ASAP2: variants seen among roughly 807,000 people sequenced by gnomAD.
ASAP2 encodes ArfGAP with SH3 domain, ankyrin repeat and PH domain 2, also known as arf-GAP with SH3 domain, ANK repeat and PH domain-containing protein 2.
A neutral mutation model predicts 131.4 loss-of-function variants in ASAP2; 45 were observed. That is an observed-to-expected ratio of 0.34 (90% CI 0.27 to 0.44). ASAP2 has a LOEUF of 0.44. Among genes scored for constraint, ASAP2 ranks in the 20% least tolerant of loss-of-function variants. The pLI is 1.00. For synonymous variants in ASAP2, 510 were observed against 503.0 expected, an observed-to-expected ratio of 1.01 and a Z score of -0.19; for missense variants, 1,011 against 1,297.0, an observed-to-expected ratio of 0.78 and a Z score of 3.39.
chr2:9,385,624 C>G (rs991004330), intron 21 of ASAP2, among the ~76,000 whole-genome samples: 1 of 152,100 alleles, frequency 6.6e-6, no homozygotes. Context: ...GTGTGTGTGG[C>G]GGGGGGGTTG....
chr2:9,226,816 ATC>A (rs1229994406), intron 1 of ASAP2, among the ~76,000 whole-genome samples: 1 of 152,128 alleles, frequency 6.6e-6, no homozygotes, highest in Non-Finnish European at 1.5e-5. Context: ...TCGGTGTGTG[ATC>A]TCTCTCCCAG....
At chr2:9,336,913 T>C (rs1671241870) in intron 9 of ASAP2, among the ~76,000 whole-genome samples, 1 of 152,144 alleles carries the variant, frequency 6.6e-6, no homozygotes, top group South Asian at 2.1e-4. Context: ...AAAGCTCAGG[T>C]TTAAAATAAG....
chr2:9,344,786 A>G lies in ASAP2; in HGVS notation c.1009A>G (p.Ile337Val). ...KCSVKNGFLT[I>V]SHGTANRPPA... ...TTCAGTTAAAAATGGTTTTCTGACCATATCCCATGGTACCGTAAGTATTCT... is the reference window on the plus strand; with the variant it reads ...TTCAGTTAAAAATGGTTTTCTGACCGTATCCCATGGTACCGTAAGTATTCT... The change falls in exon 11 of 28, where the codon ATA (isoleucine) becomes GTA (valine). Residue 337 changes from isoleucine (I) to valine (V), a missense_variant. Ile to Val is a conservative substitution (Grantham distance 29). Around this residue, in one of 2 missense-constraint regions of ASAP2, gnomAD observed 359 missense variants for 598.1 expected, o/e 0.60. Transcript: ENST00000281419. The G allele has an allele frequency of 2.5e-6, 4 of 1,613,780 alleles. No individual in the cohort carries two copies. Among genetic ancestry groups the G allele is most frequent in the Non-Finnish European group, 2.5e-6 (3 of 1,179,730 alleles).
chr2:9,385,985 G>C (rs1188027880), intron 21 of ASAP2, among the ~76,000 whole-genome samples: 1 of 152,244 alleles, frequency 6.6e-6, no homozygotes, highest in Non-Finnish European at 1.5e-5. Flanking sequence ...AGGACTTGGA[G>C]CTGAGAGTCA....
At chr2:9,294,522 A>G (rs948907293) in intron 2 of ASAP2, among the ~76,000 whole-genome samples, 3 of 152,142 alleles carry the variant, frequency 2.0e-5, no homozygotes, top group Non-Finnish European at 4.4e-5. Flanking sequence ...TACCAACTCT[A>G]TGGTCTGGGG....
chr2:9,298,971 A>G (rs1482369630), intron 3 of ASAP2, among the ~76,000 whole-genome samples: 1 of 152,178 alleles, frequency 6.6e-6, no homozygotes, highest in Non-Finnish European at 1.5e-5. Context: ...AAAATATAAC[A>G]TTAAAAATCC....
chr2:9,319,604 C>T (rs2148500417), intron 4 of ASAP2, among the ~76,000 whole-genome samples: 1 of 152,348 alleles, frequency 6.6e-6, no homozygotes, highest in South Asian at 2.1e-4. Flanking sequence ...GACTTGTGTG[C>T]CAGGCTGTGG....
At chr2:9,340,254 C>T (rs375624483) in intron 9 of ASAP2, among the ~76,000 whole-genome samples, 1 of 152,182 alleles carries the variant, frequency 6.6e-6, no homozygotes, top group Non-Finnish European at 1.5e-5. Flanking sequence ...AGCTCCTGAC[C>T]TCGTGATCTG....
At position 9,254,538 on chromosome 2, in the gene ASAP2, T is replaced by A. The variant is rs1407258039; in HGVS notation, c.127-24779T>A. 3.5e-4 allele frequency among the ~76,000 whole-genome samples: 49 copies of A among 139,054 alleles called. 1 individual carries two copies. Among genetic ancestry groups the A allele is most frequent in the Non-Finnish European group, 4.6e-4 (30 of 64,682 alleles). The allele number at this position is 139,054 out of a possible 152,430, so 91.2% of individuals were successfully genotyped here. A position where few individuals can be genotyped will look rare whatever the true frequency, so the allele number is the denominator to read the frequency against. On this transcript the variant is annotated intron_variant, in intron 1 of 27. Coordinates refer to ENST00000281419, the MANE Select transcript of ASAP2 (RefSeq NM_003887.3). The stretch of plus-strand genomic sequence containing the variant: ...CAGCTAATTTTTGGATTTTTTTTTT[T>A]TTTTTTTTTTTTTTTAGTAGAGACG...
At chr2:9,252,094 G>A (rs1664750464) in intron 1 of ASAP2, among the ~76,000 whole-genome samples, 1 of 152,206 alleles carries the variant, frequency 6.6e-6, no homozygotes, top group Non-Finnish European at 1.5e-5. Flanking sequence ...GAGAGCCTTC[G>A]TGTCACAAAA....
At position 9,206,835 on chromosome 2, in the gene ASAP2, C is replaced by A; in HGVS notation, c.-270C>A. On this transcript the variant is annotated 5_prime_UTR_variant, in exon 1 of 28. Transcript: ENST00000281419. This position sits in a 1 kb window ranked among gnomAD's most constrained non-coding sequence, Gnocchi z 4.0. ...GTAGTTCCCGCCGGCTGTGCGCGCC[C>A]GCCTCGGGGCTCGCTCTGAGAGGAC... The A allele has an allele frequency of 6.7e-6, 1 of 149,202 alleles. No individual in the cohort carries two copies. The highest frequency in any genetic ancestry group is 1.5e-5 in the Non-Finnish European group (1 of 68,340). The allele number at this position is 149,202 out of a possible 1,614,324, so 9.2% of individuals were successfully genotyped here.
intron 1 of ASAP2, among the ~76,000 whole-genome samples, chr2:9,258,690 C>A (rs1221974753): frequency 6.6e-6 from 1 of 152,212 alleles, no homozygotes; most frequent in African/African-American, 2.4e-5. Context: ...TGCTGACTCT[C>A]TTGTGGCTGT....
intron 3 of ASAP2, among the ~76,000 whole-genome samples, chr2:9,317,975 GACAC>G (rs1415706440): frequency 6.7e-6 from 1 of 149,520 alleles, no homozygotes; most frequent in Non-Finnish European, 1.5e-5. Flanking sequence ...CACACTCATT[GACAC>G]ACACTCTCCG....
In ASAP2 at chr2:9,323,021, G is replaced by A. The variant is rs555560817; in HGVS notation, c.471-100G>A. 174 of 1,430,282 alleles carry A rather than the reference G, an allele frequency of 1.2e-4. No homozygotes were observed. The African/African-American group carries it at 1.7e-3, about 14-fold the overall frequency. The allele number at this position is 1,430,282 out of a possible 1,614,324, so 88.6% of individuals were successfully genotyped here. ...CTGCCTGTGCTGAAACGTGTGGTGA[G>A]CGTTGGTCTCGCCAGGCTGGGTACT... is the stretch of plus-strand genomic sequence containing the variant. On this transcript the variant is annotated intron_variant, in intron 5 of 27. Transcript: ENST00000281419.
chr2:9,403,450 C>T lies in ASAP2; in HGVS notation c.*123C>T. 1.2e-6 allele frequency: 1 copy of T among 843,812 alleles called. No individual in the cohort carries two copies. Among genetic ancestry groups the T allele is most frequent in the Non-Finnish European group, 1.8e-6 (1 of 553,092 alleles). The allele number at this position is 843,812 out of a possible 1,614,324, so 52.3% of individuals were successfully genotyped here. On this transcript the variant is annotated 3_prime_UTR_variant, in exon 28 of 28. Coordinates refer to ENST00000281419, the MANE Select transcript of ASAP2 (RefSeq NM_003887.3). ...CAGCCCATGTTCTCTAATGCCACTGCTCTGTTTTAAAAACTCAGAGGCAAT... is the reference window on the plus strand; with the variant it reads ...CAGCCCATGTTCTCTAATGCCACTGTTCTGTTTTAAAAACTCAGAGGCAAT...
chr2:9,401,288 T>C lies in ASAP2; in HGVS notation c.2838T>C (p.Pro946=), dbSNP rs937344583. The change falls in exon 27 of 28, where the codon CCT becomes CCC. Residue 946 remains proline (P), a synonymous_variant. Transcript: ENST00000281419. ...PRKSQATKLK[P]KRVKALYNCV... ...TCCTGACCCAGACCAAGTTGAAGCC[T>C]AAGCGGGTGAAAGCGCTCTATAACT... 1.2e-6 allele frequency: 2 copies of C among 1,613,504 alleles called. No homozygotes were observed. The highest frequency in any genetic ancestry group is 1.7e-6 in the Non-Finnish European group (2 of 1,179,908).
At chr2:9,289,615 A>G (rs966801659) in intron 2 of ASAP2, among the ~76,000 whole-genome samples, 1 of 152,160 alleles carries the variant, frequency 6.6e-6, no homozygotes, top group Non-Finnish European at 1.5e-5. Context: ...GTACTCCTAC[A>G]AGCAGTAGGA....
At chr2:9,368,301 C>G (rs1365911389) in intron 15 of ASAP2, 124 bp from the exon 16 acceptor site, 1 of 881,350 alleles carries the variant, frequency 1.1e-6, no homozygotes, top group Non-Finnish European at 1.8e-6. Context: ...TCATTAAAGG[C>G]AAACCACTTT....
At chr2:9,267,130 A>G (rs1440292820) in intron 1 of ASAP2, among the ~76,000 whole-genome samples, 3 of 152,154 alleles carry the variant, frequency 2.0e-5, no homozygotes, top group Non-Finnish European at 4.4e-5. Flanking sequence ...AATTTTTTCA[A>G]TGAGATTTTT....
Sources: allele counts gnomAD v4.1 joint callset (sites outside exome capture counted in the v4.1 genomes callset), GRCh38; gene constraint gnomAD v4.1.1; regional missense constraint gnomAD v4.1.1; non-coding constraint Gnocchi (gnomAD v3.1); transcripts MANE v1.5; gene names NCBI Gene and HGNC (gene_info 2026-07-23, HGNC 2026-07-21).